The following CNTN4 variants were observed in gnomAD, a reference collection of about 807,000 sequenced individuals.
The protein encoded by CNTN4 is contactin-4.
Under a neutral mutation model 122.5 loss-of-function variants are expected in CNTN4, and 77 were observed. That is an observed-to-expected ratio of 0.63 (90% CI 0.52 to 0.76). The LOEUF is 0.76. Ranked by LOEUF, CNTN4 falls within the 30% of genes least tolerant of loss-of-function variation. The probability of loss-of-function intolerance (pLI) is 0.00; values close to 1 mark genes in which losing one functional copy is unlikely to be tolerated. For missense variants in CNTN4, 1,256 were observed against 1,259.1 expected (o/e 1.00, Z 0.04); for synonymous variants, 512 against 447.0 (o/e 1.15, Z -1.83).
At chr3:2,992,323 T>C (rs938935556) in intron 14 of CNTN4, among the ~76,000 whole-genome samples, 2 of 152,210 alleles carry the variant, frequency 1.3e-5, no homozygotes, top group Non-Finnish European at 2.9e-5. Flanking sequence ...ATAATATACT[T>C]GGGATTTGGT....
At chr3:2,979,865 G>A (rs748858984) in intron 13 of CNTN4, among the ~76,000 whole-genome samples, 26 of 152,232 alleles carry the variant, frequency 1.7e-4, no homozygotes, top group Non-Finnish European at 2.5e-4. Flanking sequence ...GCAAGGATAC[G>A]CTGTCTCCCT....
At chr3:2,284,260 A>G (rs111686533) in intron 2 of CNTN4, among the ~76,000 whole-genome samples, 5,606 of 152,230 alleles carry the variant, frequency 0.037, 133 homozygotes, top group Middle Eastern at 0.078. Flanking sequence ...AAAGTTAAGA[A>G]TAGGAAATAA....
intron 4 of CNTN4, among the ~76,000 whole-genome samples, chr3:2,580,532 C>A (rs974886268): frequency 2.6e-5 from 4 of 152,160 alleles, no homozygotes; most frequent in African/African-American, 9.7e-5. Context: ...ACTCCATTTT[C>A]CACCATAATC....
intron 2 of CNTN4, among the ~76,000 whole-genome samples, chr3:2,196,870 C>G (rs1355487885): frequency 1.3e-5 from 2 of 151,722 alleles, no homozygotes; most frequent in African/African-American, 4.8e-5. Context: ...CATGGAGAAA[C>G]CTCGTCTCTA....
rs531356246 is a variant in CNTN4, at chr3:2,189,791, C to T, written c.-145+89152C>T. Reference sequence around the variant, plus strand: ...ATATTTTCTAATGCTCTTTGTGAAACTCTAATAACGAACTTTCAGTGAGTG... The same window carrying T: ...ATATTTTCTAATGCTCTTTGTGAAATTCTAATAACGAACTTTCAGTGAGTG... On this transcript the variant is annotated intron_variant, in intron 2 of 24. Coordinates refer to ENST00000418658, the MANE Select transcript of CNTN4 (RefSeq NM_175607.3). 3.3e-4 allele frequency among the ~76,000 whole-genome samples: 50 copies of T among 152,254 alleles called. 2 individuals are homozygous for T. In the South Asian group the frequency reaches 9.7e-3, roughly 30 times the overall value.
chr3:2,367,006 T>C (rs1258778969), intron 3 of CNTN4, among the ~76,000 whole-genome samples: 1 of 152,182 alleles, frequency 6.6e-6, no homozygotes, highest in African/African-American at 2.4e-5. Context: ...GATGATCCTC[T>C]GATTTAATAT....
chr3:2,335,151 G>T (rs371618158), intron 2 of CNTN4, among the ~76,000 whole-genome samples: 11 of 152,260 alleles, frequency 7.2e-5, no homozygotes, highest in African/African-American at 2.6e-4. Flanking sequence ...TGGGCAGAGG[G>T]AGAGTCGTCT....
intron 23 of CNTN4, among the ~76,000 whole-genome samples, chr3:3,044,977 A>G (rs962557944): frequency 2.0e-5 from 3 of 152,204 alleles, no homozygotes; most frequent in African/African-American, 7.2e-5. Flanking sequence ...TATCCCATGC[A>G]TGGCTCAGAG....
At chr3:2,912,118 A>G (rs753795547) in intron 12 of CNTN4, among the ~76,000 whole-genome samples, 2 of 152,170 alleles carry the variant, frequency 1.3e-5, no homozygotes, top group African/African-American at 4.8e-5. Context: ...ATCCAAAGAG[A>G]TCTACACTGA....
rs371649615 is a variant in CNTN4, at chr3:2,243,965, C to G, written c.-144-95213C>G. Among the ~76,000 whole-genome samples, 12 of 152,108 alleles carry G rather than the reference C, an allele frequency of 7.9e-5. No homozygotes were observed. In the East Asian group the frequency reaches 1.2e-3, roughly 15 times the overall value. On this transcript the variant is annotated intron_variant, in intron 2 of 24. Coordinates refer to ENST00000418658, the MANE Select transcript of CNTN4 (RefSeq NM_175607.3). ...CAGAATGTATCTTTGAAGAACTGCA[C>G]TTAATATGTTATTCAGCCTAATTTG...
chr3:2,798,909 A>C (rs1025372368), intron 6 of CNTN4, among the ~76,000 whole-genome samples: 1 of 152,152 alleles, frequency 6.6e-6, no homozygotes, highest in African/African-American at 2.4e-5. Context: ...TTCTTTGAGA[A>C]ATCTCTATAC....
chr3:2,911,195 CA>C (rs2094295597), intron 12 of CNTN4, among the ~76,000 whole-genome samples: 1 of 122,768 alleles, frequency 8.1e-6, no homozygotes, highest in South Asian at 2.8e-4. Context: ...CCCCTGAGAA[CA>C]AAGTCTTATC....
At chr3:2,548,367 G>C (rs903535530) in intron 3 of CNTN4, among the ~76,000 whole-genome samples, 1 of 152,116 alleles carries the variant, frequency 6.6e-6, no homozygotes, top group African/African-American at 2.4e-5. Context: ...TATAAGGAAA[G>C]GGTCCAGTTT....
rs777449106 is a variant in CNTN4, at chr3:2,883,288, T to C, written c.755+41T>C. On this transcript the variant is annotated intron_variant, in intron 9 of 24. Coordinates refer to ENST00000418658, the MANE Select transcript of CNTN4 (RefSeq NM_175607.3). The stretch of plus-strand genomic sequence containing the variant: ...CGTTCCTTCTCATCCTCCCTTCAGC[T>C]TGAGCAGGTATAGAGTTTTTCTTGC... 25 of 1,455,086 alleles carry C rather than the reference T, an allele frequency of 1.7e-5. No homozygotes were observed. In the South Asian group the frequency reaches 2.7e-4, roughly 16 times the overall value. The allele number at this position is 1,455,086 out of a possible 1,614,324, so 90.1% of individuals were successfully genotyped here.
At chr3:2,153,969 C>T (rs1368463555) in intron 2 of CNTN4, among the ~76,000 whole-genome samples, 1 of 152,134 alleles carries the variant, frequency 6.6e-6, no homozygotes, top group Non-Finnish European at 1.5e-5. Context: ...TGTTTTGTAA[C>T]TTCTCTTTAG....
chr3:2,944,077 T>C (rs115163335), intron 13 of CNTN4, among the ~76,000 whole-genome samples: 15 of 151,996 alleles, frequency 9.9e-5, no homozygotes, highest in Non-Finnish European at 1.6e-4. Flanking sequence ...TCAGTAGCTC[T>C]AATAACCTTT....
rs1319870273 is a variant in CNTN4, at chr3:2,424,782, A to G, written c.-89+85549A>G. ...TCTAACTGGTGTGAGATGGCGTCTC[A>G]TTGCGGTTTTGATTTGCATTTCTCT... On this transcript the variant is annotated intron_variant, in intron 3 of 24. Transcript: ENST00000418658. 2.0e-5 allele frequency among the ~76,000 whole-genome samples: 3 copies of G among 152,124 alleles called. No homozygotes were observed. The South Asian group carries it at 6.2e-4, about 32-fold the overall frequency.
At chr3:2,149,919 G>A (rs991160697) in intron 2 of CNTN4, among the ~76,000 whole-genome samples, 1 of 150,706 alleles carries the variant, frequency 6.6e-6, no homozygotes, top group African/African-American at 2.4e-5. Context: ...TTGTCAGGCA[G>A]ACCTTTGCGT....
chr3:2,837,771 G>A (rs1577001995), intron 7 of CNTN4, among the ~76,000 whole-genome samples: 1 of 152,182 alleles, frequency 6.6e-6, no homozygotes, highest in African/African-American at 2.4e-5. Flanking sequence ...CCAGTAAAAT[G>A]TAGAGGGAAG....
Sources: allele counts gnomAD v4.1 joint callset (sites outside exome capture counted in the v4.1 genomes callset), GRCh38; gene constraint gnomAD v4.1.1; transcripts MANE v1.5; gene names NCBI Gene and HGNC (gene_info 2026-07-23, HGNC 2026-07-21).